Variants in FGF20 observed in about 807,000 individuals in gnomAD.
FGF20 encodes fibroblast growth factor 20.
Under a neutral mutation model 16.7 loss-of-function variants are expected in FGF20, and 8 were observed. The observed-to-expected ratio is 0.48, with a 90% CI of 0.28 to 0.87. FGF20 has a LOEUF of 0.87. Among genes scored for constraint, FGF20 ranks in the 40% least tolerant of loss-of-function variants. The probability of loss-of-function intolerance (pLI) is 0.10; values close to 1 mark genes in which losing one functional copy is unlikely to be tolerated. For missense variants in FGF20, 397 were observed against 281.4 expected, an observed-to-expected ratio of 1.41 and a Z score of -2.94; for synonymous variants, 161 against 118.6, an observed-to-expected ratio of 1.36 and a Z score of -2.32.
Position 16,992,901 on chromosome 8 carries a change from A to T in FGF20, c.*171T>A. On this transcript the variant is annotated 3_prime_UTR_variant, in exon 3 of 3. Transcript: ENST00000180166. ...TAAAGAGTGATCATGATCTATTTCTAGTCAAAATTTTTTTTGGTTTTTTTT... is the reference window on the plus strand; with the variant it reads ...TAAAGAGTGATCATGATCTATTTCTTGTCAAAATTTTTTTTGGTTTTTTTT... The T allele has an allele frequency of 1.4e-6, 1 of 705,456 alleles. No homozygotes were observed. Among genetic ancestry groups the T allele is most frequent in the Non-Finnish European group, 2.3e-6 (1 of 435,712 alleles). The allele number at this position is 705,456 out of a possible 1,614,324, so 43.7% of individuals were successfully genotyped here.
At chr8:16,997,593 G>C (rs1377382169) in intron 1 of FGF20, among the ~76,000 whole-genome samples, 1 of 152,256 alleles carries the variant, frequency 6.6e-6, no homozygotes, top group East Asian at 1.9e-4. Flanking sequence ...TAGAACACTA[G>C]AGCTATCAAG....
intron 1 of FGF20, among the ~76,000 whole-genome samples, chr8:16,998,906 C>A (rs1049524180): frequency 6.6e-6 from 1 of 151,682 alleles, no homozygotes; most frequent in Non-Finnish European, 1.5e-5. Flanking sequence ...AAAGTTATTT[C>A]CTTTAACATC....
chr8:17,000,278 C>T (rs1368201054), intron 1 of FGF20, among the ~76,000 whole-genome samples: 1 of 152,182 alleles, frequency 6.6e-6, no homozygotes, highest in African/African-American at 2.4e-5. Flanking sequence ...TCAGTGGAAG[C>T]TGCAAACATG....
chr8:17,000,433 A>C (rs756288434), intron 1 of FGF20, among the ~76,000 whole-genome samples: 6 of 151,714 alleles, frequency 4.0e-5, no homozygotes, highest in Non-Finnish European at 7.4e-5. Context: ...CAAGTCAAAA[A>C]GGGAATAATT....
chr8:16,995,931 G>A (rs1810032304), intron 1 of FGF20, among the ~76,000 whole-genome samples, 173 bp from the exon 2 acceptor site: 1 of 152,186 alleles, frequency 6.6e-6, no homozygotes, highest in South Asian at 2.1e-4. Flanking sequence ...TTTTATGACA[G>A]ATGAAAAAAG....
At chr8:17,001,020 C>G (rs1466145355) in intron 1 of FGF20, among the ~76,000 whole-genome samples, 1 of 152,126 alleles carries the variant, frequency 6.6e-6, no homozygotes, top group Non-Finnish European at 1.5e-5. Flanking sequence ...TGCTCAGTAG[C>G]CGGGTGGTCT....
At chr8:17,001,549 G>A (rs974687723) in intron 1 of FGF20, among the ~76,000 whole-genome samples, 198 bp downstream of exon 1, 1 of 152,188 alleles carries the variant, frequency 6.6e-6, no homozygotes, top group South Asian at 2.1e-4. Context: ...CGACAAACCA[G>A]CAGGAAAATT....
intron 2 of FGF20, 96 bp from the exon 3 acceptor site, chr8:16,993,413 T>G: frequency 8.0e-7 from 1 of 1,249,138 alleles, no homozygotes; most frequent in Non-Finnish European, 1.1e-6. Context: ...CTTTGCCTTG[T>G]CAAAGAAAGA....
intron 1 of FGF20, among the ~76,000 whole-genome samples, chr8:16,999,806 T>A (rs900838674): frequency 6.6e-6 from 1 of 151,100 alleles, no homozygotes; most frequent in Non-Finnish European, 1.5e-5. Flanking sequence ...CCCAAAGCGC[T>A]GGGATTACAG....
chr8:16,993,966 T>A (rs1358412291), intron 2 of FGF20, among the ~76,000 whole-genome samples: 1 of 152,194 alleles, frequency 6.6e-6, no homozygotes, highest in Non-Finnish European at 1.5e-5. Context: ...CTCACTTGCC[T>A]GCTGCTCACC....
intron 2 of FGF20, 21 bp from the exon 3 acceptor site, chr8:16,993,338 ATTATTTTTT>A (rs1437106224): frequency 1.3e-6 from 2 of 1,565,930 alleles, no homozygotes; most frequent in Admixed American, 2.0e-5. Context: ...GAAGATAACT[ATTATTTTTT>A]AAAAAAATAC....
At chr8:16,994,475 G>GT (rs17515233) in intron 2 of FGF20, among the ~76,000 whole-genome samples, 145,756 of 152,184 alleles carry the variant, frequency 0.96, 70,105 homozygotes, top group East Asian at 1. Context: ...TTGTGTGCAT[G>GT]TTTTTTCTAT....
chr8:16,996,149 C>T (rs556096078), intron 1 of FGF20, among the ~76,000 whole-genome samples: 38 of 152,234 alleles, frequency 2.5e-4, no homozygotes, highest in Admixed American at 1.8e-3. Flanking sequence ...TTAACAGGAA[C>T]CTCGAACCTC....
chr8:16,996,564 A>G (rs17515121), intron 1 of FGF20, among the ~76,000 whole-genome samples: 6 of 152,206 alleles, frequency 3.9e-5, no homozygotes, highest in Non-Finnish European at 7.3e-5. Flanking sequence ...CCATGATCTC[A>G]TCAGTTAATT....
Position 16,998,792 on chromosome 8 carries a change from A to T in FGF20, c.286+2955T>A, listed in dbSNP as rs924425561. Among the ~76,000 whole-genome samples the T allele has an allele frequency of 3.9e-5, 6 of 152,142 alleles. No homozygotes were observed. In the Middle Eastern group the frequency reaches 0.01, roughly 259 times the overall value. On this transcript the variant is annotated intron_variant, in intron 1 of 2. Transcript: ENST00000180166. ...TTTTCAGAAATGATTCCATGTTTACATATTAGGTAAGCTGTTCCTGCTGTG... is the reference window on the plus strand; with the variant it reads ...TTTTCAGAAATGATTCCATGTTTACTTATTAGGTAAGCTGTTCCTGCTGTG...
rs1239429784 is a variant in FGF20, at chr8:17,000,088, A to G, written c.286+1659T>C. 3.9e-5 allele frequency among the ~76,000 whole-genome samples: 6 copies of G among 152,124 alleles called. No individual in the cohort carries two copies. In the South Asian group the frequency reaches 8.3e-4, roughly 21 times the overall value. ...CAGAATCGAAGTCTCAGGGCCATGC[A>G]CAGTGGCTCATGCCTGTAATCCCAG... On this transcript the variant is annotated intron_variant, in intron 1 of 2. Transcript: ENST00000180166.
chr8:17,001,399 C>T (rs1286559284), intron 1 of FGF20, among the ~76,000 whole-genome samples: 2 of 151,910 alleles, frequency 1.3e-5, no homozygotes, highest in African/African-American at 4.8e-5. Flanking sequence ...AGTGCGAGAA[C>T]CGTGATGCCG....
chr8:17,001,888 G>C lies in FGF20; in HGVS notation c.145C>G (p.Arg49Gly), dbSNP rs1014889171. 2.1e-5 allele frequency: 30 copies of C among 1,437,194 alleles called. No individual in the cohort carries two copies. Among genetic ancestry groups the C allele is most frequent in the Non-Finnish European group, 2.4e-5 (26 of 1,100,376 alleles). 89.0% of individuals were successfully genotyped at this position (1,437,194 alleles called of 1,614,324 possible). A position where few individuals can be genotyped will look rare whatever the true frequency, so the allele number is the denominator to read the frequency against. ...AGCTGCGCAGCCCCCGGCCCGCCGC[G>C]CGCGCTCCGCTCCGCCGCGCTCCTG... ...ERRSAAERSARGGPGAAQLAH... is the reference protein window; with the variant it reads ...ERRSAAERSAGGGPGAAQLAH... The change falls in exon 1 of 3, where the codon CGC (arginine) becomes GGC (glycine). Residue 49 changes from arginine to glycine, a missense_variant. Transcript: ENST00000180166.
rs1209319852 is a variant in FGF20, at chr8:17,002,018, G to A, written c.15C>T (p.Ala5=). The A allele has an allele frequency of 1.3e-6, 2 of 1,537,606 alleles. No homozygotes were observed. The highest frequency in any genetic ancestry group is 2.0e-5 in the Admixed American group (1 of 50,340). Residue 5 remains alanine, a synonymous_variant, in exon 1 of 3, where the codon GCC becomes GCT. Coordinates refer to ENST00000180166, the MANE Select transcript of FGF20 (RefSeq NM_019851.3). MAPL[A]EVGGFLGGLE... The stretch of plus-strand genomic sequence containing the variant: ...GGCCGCCCAGAAAGCCCCCGACTTC[G>A]GCTAAGGGAGCCATGGAGGGGGAGA...
Sources: gnomAD v4.1 joint callset for allele counts (sites outside exome capture counted in the v4.1 genomes callset) on GRCh38, gnomAD v4.1.1 for gene constraint, MANE v1.5 for transcripts, NCBI Gene and HGNC (gene_info 2026-07-23, HGNC 2026-07-21) for gene names.